KMT2A: variants seen among roughly 807,000 people sequenced by gnomAD.
The protein encoded by KMT2A is histone-lysine N-methyltransferase 2A.
Under a neutral mutation model 345.3 loss-of-function variants are expected in KMT2A, and 16 were observed. That is an observed-to-expected ratio of 0.05 (90% CI 0.03 to 0.07). The LOEUF is 0.07. KMT2A is among the 10% of genes least tolerant of loss of function. KMT2A has a pLI of 1.00. For missense variants in KMT2A, 3,272 were observed against 4,841.6 expected (o/e 0.68, Z 9.62); for synonymous variants, 1,599 against 1,778.6 (o/e 0.90, Z 2.54).
chr11:118,496,292 G>A lies in KMT2A; in HGVS notation c.5589G>A (p.Glu1863=), dbSNP rs565762131. The A allele has an allele frequency of 1.2e-6, 2 of 1,613,914 alleles. No homozygotes were observed. The highest frequency in any genetic ancestry group is 1.1e-5 in the South Asian group (1 of 91,078). The change falls in exon 20 of 36, where the codon GAG becomes GAA. Residue 1863 remains glutamate, a synonymous_variant. Coordinates refer to ENST00000534358, the MANE Select transcript of KMT2A (RefSeq NM_001197104.2). The surrounding 1 kb of genome is among the most constrained non-coding windows in gnomAD (Gnocchi z 4.7). ...STDRSREDSP[E]LNPPPGIEDN... ...ATAGGAGTCGAGAAGACAGTCCAGA[G>A]CTGAACCCACCCCCAGGCATAGAAG...
intron 24 of KMT2A, chr11:118,500,737 A>C (rs1008505080): frequency 3.0e-6 from 1 of 331,214 alleles, no homozygotes; most frequent in Admixed American, 4.3e-5. Context: ...GTTTTACTAT[A>C]TTTGGTGCCT....
chr11:118,506,108 T>C lies in KMT2A; in HGVS notation c.10216T>C (p.Ser3406Pro). The C allele has an allele frequency of 1.2e-6, 2 of 1,614,162 alleles. No homozygotes were observed. The highest frequency in any genetic ancestry group is 1.7e-6 in the Non-Finnish European group (2 of 1,180,020). The change falls in exon 27 of 36, where the codon TCA becomes CCA. Residue 3406 changes from serine to proline, a missense_variant. This residue lies in a region of KMT2A where 748 missense variants were observed against 922.2 expected (regional missense o/e 0.81). Coordinates refer to ENST00000534358, the MANE Select transcript of KMT2A (RefSeq NM_001197104.2). The part of the protein sequence containing the change: ...QDQPVALPPS[S>P]GMFPQLGTSQ... ...CCAGCCTGTGGCTTTACCGCCAAGT[T>C]CAGGAATGTTTCCACAACTGGGGAC...
Position 118,503,770 on chromosome 11 carries a change from A to G in KMT2A, c.7878A>G (p.Ala2626=), listed in dbSNP as rs1555046875. The change falls in exon 27 of 36, where the codon GCA becomes GCG. Residue 2626 remains alanine, a synonymous_variant. Coordinates refer to ENST00000534358, the MANE Select transcript of KMT2A (RefSeq NM_001197104.2). The surrounding 1 kb of genome is among the most constrained non-coding windows in gnomAD (Gnocchi z 5.3). ...KRRYPRRSAR[A]RSNMFFGLTP... is the part of the protein sequence containing the mutation. Reference sequence around the variant, plus strand: ...GGTATCCCCGTCGCAGTGCCCGTGCACGTTCTAACATGTTTTTTGGGCTTA... The same window carrying G: ...GGTATCCCCGTCGCAGTGCCCGTGCGCGTTCTAACATGTTTTTTGGGCTTA... The G allele has an allele frequency of 6.2e-7, 1 of 1,614,234 alleles. No individual in the cohort carries two copies. The highest frequency in any genetic ancestry group is 8.5e-7 in the Non-Finnish European group (1 of 1,180,046).
rs1286004029 is a variant in KMT2A at position 118,497,065 on chromosome 11, C to T, written c.5664+698C>T. 1.3e-5 allele frequency among the ~76,000 whole-genome samples: 2 copies of T among 151,884 alleles called. No homozygotes were observed. The highest frequency in any genetic ancestry group is 2.9e-5 in the Non-Finnish European group (2 of 67,964). On this transcript the variant is annotated intron_variant, in intron 20 of 35. Transcript: ENST00000534358. This position sits in a 1 kb window ranked among gnomAD's most constrained non-coding sequence, Gnocchi z 4.8. ...TGTTGCCCAGGCTGGAGTGCAATGGCGTGATCTCGGCTCACTACAACCTCC... is the reference window on the plus strand; with the variant it reads ...TGTTGCCCAGGCTGGAGTGCAATGGTGTGATCTCGGCTCACTACAACCTCC...
intron 31 of KMT2A, 89 bp from the exon 32 acceptor site, chr11:118,519,529 G>A (rs1950909629): frequency 8.5e-7 from 1 of 1,182,628 alleles, no homozygotes; most frequent in African/African-American, 1.5e-5. Flanking sequence ...GCCTCTGGCA[G>A]AGTGACTATA....
At chr11:118,488,102 C>T (rs1391257813) in intron 10 of KMT2A, among the ~76,000 whole-genome samples, 4 of 152,168 alleles carry the variant, frequency 2.6e-5, no homozygotes, top group Non-Finnish European at 5.9e-5. Context: ...ATCGCTTGAA[C>T]CCAGGAGGCG....
chr11:118,485,313 C>G (rs1462775222), intron 10 of KMT2A, among the ~76,000 whole-genome samples: 1 of 151,774 alleles, frequency 6.6e-6, no homozygotes, highest in Non-Finnish European at 1.5e-5. Flanking sequence ...TATATCAAAG[C>G]CTCTTCATCT....
Position 118,506,309 on chromosome 11 carries a change from C to T in KMT2A, c.10417C>T (p.Arg3473Cys), listed in dbSNP as rs781919840. Reference sequence around the variant, plus strand: ...CAAAACTGGGATTCATTCTTCCCAGCGTGATCTTGATTCTGCTTCAGGGCC... The same window carrying T: ...CAAAACTGGGATTCATTCTTCCCAGTGTGATCTTGATTCTGCTTCAGGGCC... ...ASKTGIHSSQ[R>C]DLDSASGPQV... Residue 3473 changes from arginine (R) to cysteine (C), a missense_variant, in exon 27 of 36, where the codon CGT (arginine) becomes TGT (cysteine). Physicochemically the swap from Arg to Cys is radical, Grantham distance 180. This residue lies in a region of KMT2A where 748 missense variants were observed against 922.2 expected (regional missense o/e 0.81). Coordinates refer to ENST00000534358, the MANE Select transcript of KMT2A (RefSeq NM_001197104.2). 2.4e-5 allele frequency: 39 copies of T among 1,614,164 alleles called. No homozygotes were observed. Among genetic ancestry groups the T allele is most frequent in the Non-Finnish European group, 3.2e-5 (38 of 1,180,010 alleles).
chr11:118,441,213 A>G (rs1181094198), intron 1 of KMT2A, among the ~76,000 whole-genome samples: 4 of 151,900 alleles, frequency 2.6e-5, no homozygotes, highest in Admixed American at 6.6e-5. Context: ...TATGTTGCCC[A>G]GGTGCATCTT....
chr11:118,475,640 T>C (rs1950023817), intron 3 of KMT2A, among the ~76,000 whole-genome samples: 1 of 152,000 alleles, frequency 6.6e-6, no homozygotes, highest in Admixed American at 6.6e-5. Flanking sequence ...GGAGAATCGC[T>C]TGAACCCGGG....
Position 118,494,813 on chromosome 11 carries a change from A to G in KMT2A, c.5363+46A>G. 7.0e-7 allele frequency: 1 copy of G among 1,432,778 alleles called. No individual in the cohort carries two copies. The highest frequency in any genetic ancestry group is 9.8e-7 in the Non-Finnish European group (1 of 1,019,272). 88.8% of individuals were successfully genotyped at this position (1,432,778 alleles called of 1,614,324 possible). A position where few individuals can be genotyped will look rare whatever the true frequency, so the allele number is the denominator to read the frequency against. On this transcript the variant is annotated intron_variant, in intron 18 of 35. Coordinates refer to ENST00000534358, the MANE Select transcript of KMT2A (RefSeq NM_001197104.2). The surrounding 1 kb of genome is among the most constrained non-coding windows in gnomAD (Gnocchi z 5.8). ...TTTTTTTTCTCCTCATCGGCTAGAA[A>G]TCTGAGAGTTCTCATATTTCTAGAT...
chr11:118,436,842 G>A lies in KMT2A; in HGVS notation c.330G>A (p.Pro110=), dbSNP rs1949194840. 3 of 1,604,196 alleles carry A rather than the reference G, an allele frequency of 1.9e-6. No homozygotes were observed. Among genetic ancestry groups the A allele is most frequent in the South Asian group, 1.1e-5 (1 of 89,900 alleles). ...SSGPALLRVG[P]GFDAALQVSA... is the part of the protein sequence containing the mutation. ...GGCCGGCCCTGCTCCGGGTGGGCCCGGGCTTCGACGCGGCGCTGCAGGTCT... is the reference window on the plus strand; with the variant it reads ...GGCCGGCCCTGCTCCGGGTGGGCCCAGGCTTCGACGCGGCGCTGCAGGTCT... The change falls in exon 1 of 36, where the codon CCG becomes CCA. Residue 110 remains proline (P), a synonymous_variant. Coordinates refer to ENST00000534358, the MANE Select transcript of KMT2A (RefSeq NM_001197104.2). The surrounding 1 kb of genome is among the most constrained non-coding windows in gnomAD (Gnocchi z 6.9).
chr11:118,472,668 G>C lies in KMT2A; in HGVS notation c.1509G>C (p.Arg503=), dbSNP rs374716873. Residue 503 remains arginine (R), a synonymous_variant, in exon 3 of 36, where the codon CGG becomes CGC. Transcript: ENST00000534358. ...SEEIQVLPEE[R]SDTPEVHPPL... is the part of the protein sequence containing the mutation. The stretch of plus-strand genomic sequence containing the variant: ...AGATTCAGGTACTTCCTGAGGAGCG[G>C]AGCGATACCCCTGAAGTTCATCCTC... 6.9e-5 allele frequency: 111 copies of C among 1,612,964 alleles called. No individual in the cohort carries two copies. In the Middle Eastern group the frequency reaches 1.2e-3, roughly 17 times the overall value.
chr11:118,449,069 G>A (rs1949477653), intron 1 of KMT2A: 1 of 152,110 alleles, frequency 6.6e-6, no homozygotes, highest in African/African-American at 2.4e-5. Flanking sequence ...TCAAGTGTTG[G>A]AGTAATAAAA....
Position 118,476,624 on chromosome 11 carries a change from T to G in KMT2A, c.3157-181T>G, listed in dbSNP as rs527261214. On this transcript the variant is annotated intron_variant, in intron 3 of 35. Coordinates refer to ENST00000534358, the MANE Select transcript of KMT2A (RefSeq NM_001197104.2). The surrounding 1 kb of genome is among the most constrained non-coding windows in gnomAD (Gnocchi z 4.1). ...TTTGATTAGAGGCCTTTTTTTGTGCTGCCAATTAGGATACAGTAATAGTTG... is the reference window on the plus strand; with the variant it reads ...TTTGATTAGAGGCCTTTTTTTGTGCGGCCAATTAGGATACAGTAATAGTTG... Among the ~76,000 whole-genome samples the G allele has an allele frequency of 1.3e-5, 2 of 152,336 alleles. No homozygotes were observed. Among genetic ancestry groups the G allele is most frequent in the African/African-American group, 4.8e-5 (2 of 41,566 alleles).
In KMT2A at chr11:118,496,202, T is replaced by C; in HGVS notation, c.5558-59T>C. 2 of 1,200,414 alleles carry C rather than the reference T, an allele frequency of 1.7e-6. No individual in the cohort carries two copies. Among genetic ancestry groups the C allele is most frequent in the Non-Finnish European group, 1.2e-6 (1 of 805,046 alleles). The allele number at this position is 1,200,414 out of a possible 1,614,324, so 74.4% of individuals were successfully genotyped here. A position where few individuals can be genotyped will look rare whatever the true frequency, so the allele number is the denominator to read the frequency against. The stretch of plus-strand genomic sequence containing the variant: ...TTTCTTTTTTCCTTGAAATCAGACA[T>C]AGTATTGCCAATTTTAACTGGATCT... On this transcript the variant is annotated intron_variant, in intron 19 of 35. Transcript: ENST00000534358. This position sits in a 1 kb window ranked among gnomAD's most constrained non-coding sequence, Gnocchi z 4.7.
intron 1 of KMT2A, among the ~76,000 whole-genome samples, chr11:118,437,675 T>TCCCCCCCCCCCCCCCCC (rs145193113): frequency 6.9e-6 from 1 of 143,998 alleles, no homozygotes; most frequent in Non-Finnish European, 1.5e-5. Context: ...AGCAGTCTCT[T>TCCCCCCCCCCCCCCCCC]CCCCCCCCCG....
chr11:118,441,921 G>A (rs1420918524), intron 1 of KMT2A, among the ~76,000 whole-genome samples: 1 of 152,180 alleles, frequency 6.6e-6, no homozygotes, highest in African/African-American at 2.4e-5. Flanking sequence ...GTCCTTCCGT[G>A]GGGCAGCTGT....
rs191483551 is a variant in KMT2A, at chr11:118,501,802, A to G, written c.6450A>G (p.Thr2150=). Residue 2150 remains threonine, a synonymous_variant, in exon 26 of 36, where the codon ACA becomes ACG. Coordinates refer to ENST00000534358, the MANE Select transcript of KMT2A (RefSeq NM_001197104.2). ...TCTCAAAGGTCCCCAGGATTCGAAC[A>G]CCCAGTTATTCTCCAACACAGAGAT... is the stretch of plus-strand genomic sequence containing the variant. ...HVISKVPRIR[T]PSYSPTQRSP... is the part of the protein sequence containing the mutation. 8.1e-5 allele frequency: 130 copies of G among 1,614,030 alleles called. No homozygotes were observed. The African/African-American group carries it at 1.5e-3, about 19-fold the overall frequency.
Sources: allele counts gnomAD v4.1 joint callset (sites outside exome capture counted in the v4.1 genomes callset), GRCh38; gene constraint gnomAD v4.1.1; regional missense constraint gnomAD v4.1.1; non-coding constraint Gnocchi (gnomAD v3.1); transcripts MANE v1.5; gene names NCBI Gene and HGNC (gene_info 2026-07-23, HGNC 2026-07-21).